Variants in ZNF44 observed in about 807,000 individuals in gnomAD.
The protein encoded by ZNF44 is zinc finger protein 44.
A neutral mutation model predicts 11.7 loss-of-function variants in ZNF44; 9 were observed. That is an observed-to-expected ratio of 0.77 (90% CI 0.46 to 1.35). The LOEUF (loss-of-function observed/expected upper bound fraction) is 1.35, where lower values mean the gene tolerates loss of function less well. ZNF44 is among the 40% of genes most tolerant of loss of function. ZNF44 has a pLI of 0.00. For missense variants in ZNF44, 696 were observed against 743.1 expected, an observed-to-expected ratio of 0.94 and a Z score of 0.74; for synonymous variants, 224 against 242.7, an observed-to-expected ratio of 0.92 and a Z score of 0.72.
downstream of ZNF44, chr19:12,242,943 G>C (rs1314445099): frequency 1.3e-5 from 2 of 152,164 alleles, no homozygotes; most frequent in Non-Finnish European, 2.9e-5. Flanking sequence ...TGAATAACCA[G>C]ATCAGATATT....
chr19:12,272,773 A>G lies in ZNF44; in HGVS notation c.1482T>C (p.His494=), dbSNP rs748949494. 1.9e-6 allele frequency: 3 copies of G among 1,613,904 alleles called. No individual in the cohort carries two copies. Among genetic ancestry groups the G allele is most frequent in the Non-Finnish European group, 2.5e-6 (3 of 1,179,878 alleles). Residue 494 remains histidine, a synonymous_variant, in exon 4 of 4, where the codon CAT becomes CAC. Coordinates refer to ENST00000355684, the MANE Select transcript of ZNF44 (RefSeq NM_016264.4). ...AFSSFKYFCR[H]ERTHSEEKSY... ...ATTTTTCTTCACTGTGAGTCCTTTCATGGCGACAAAAGTATTTAAAAGAAC... is the reference window on the plus strand; with the variant it reads ...ATTTTTCTTCACTGTGAGTCCTTTCGTGGCGACAAAAGTATTTAAAAGAAC...
At chr19:12,226,241 C>CT (rs1032455225) in exon 4 of ZNF44, 1 of 152,072 alleles carries the variant, frequency 6.6e-6, no homozygotes, top group Non-Finnish European at 1.5e-5. Flanking sequence ...GAGATAAGAC[C>CT]TTTTTAAAGG....
At position 12,274,266 on chromosome 19, in the gene ZNF44, CTTTTTTTTTTT is replaced by C. The variant is rs869093549; in HGVS notation, c.192-214_192-204del. Among the ~76,000 whole-genome samples the C allele has an allele frequency of 1.2e-3, 104 of 90,226 alleles. 4 individuals are homozygous for C. Among genetic ancestry groups the C allele is most frequent in the Non-Finnish European group, 1.1e-3 (54 of 47,880 alleles). The allele number at this position is 90,226 out of a possible 152,430, so 59.2% of individuals were successfully genotyped here. A position where few individuals can be genotyped will look rare whatever the true frequency, so the allele number is the denominator to read the frequency against. ...GATATGCACATGGGGATTCTTAATT[CTTTTTTTTTTT>C]TTTTTTTTTTTTTGAGATGGAGTCT... is the stretch of plus-strand genomic sequence containing the variant. On this transcript the variant is annotated intron_variant, in intron 3 of 3. Coordinates refer to ENST00000355684, the MANE Select transcript of ZNF44 (RefSeq NM_016264.4).
In ZNF44 at chr19:12,272,324, C is replaced by T; in HGVS notation, c.*83G>A. The T allele has an allele frequency of 7.0e-7, 1 of 1,426,278 alleles. No homozygotes were observed. Among genetic ancestry groups the T allele is most frequent in the South Asian group, 1.7e-5 (1 of 60,584 alleles). The allele number at this position is 1,426,278 out of a possible 1,614,324, so 88.4% of individuals were successfully genotyped here. ...AGCCTGGAAACTTCTTAAGGCTTTA[C>T]CACGTTTACATTCACAGGATTTATT... On this transcript the variant is annotated 3_prime_UTR_variant, in exon 4 of 4. Transcript: ENST00000355684.
At chr19:12,288,647 C>T (rs1325996044) in intron 1 of ZNF44, among the ~76,000 whole-genome samples, 1 of 150,518 alleles carries the variant, frequency 6.6e-6, no homozygotes, top group Non-Finnish European at 1.5e-5. Context: ...GAGGCTGAGG[C>T]AGGAGAATAG....
At chr19:12,276,200 G>T in intron 1 of ZNF44, 118 bp from the exon 2 acceptor site, 1 of 1,450,442 alleles carries the variant, frequency 6.9e-7, no homozygotes, top group South Asian at 1.1e-5. Flanking sequence ...TCAATGACGT[G>T]GTAAATCCAC....
At chr19:12,260,184 G>A (rs1917444337) in intron 5 of ZNF44, 1 of 769,254 alleles carries the variant, frequency 1.3e-6, no homozygotes, top group Non-Finnish European at 2.4e-6. Flanking sequence ...TGATCAAGAG[G>A]ACTATGCCGA....
At chr19:12,269,246 C>T (rs1168817042), downstream of ZNF44, among the ~76,000 whole-genome samples, 5 of 152,204 alleles carry the variant, frequency 3.3e-5, no homozygotes, top group Non-Finnish European at 7.4e-5. Flanking sequence ...AAAAGAAGGC[C>T]GGGCACAGTG....
chr19:12,271,770 T>C (rs902092594), downstream of ZNF44: 3 of 152,240 alleles, frequency 2.0e-5, no homozygotes, highest in African/African-American at 7.2e-5. Flanking sequence ...AGATTTTTTT[T>C]CTTATGATTC....
chr19:12,280,167 C>T (rs191072122), intron 1 of ZNF44, among the ~76,000 whole-genome samples: 2 of 151,850 alleles, frequency 1.3e-5, no homozygotes, highest in African/African-American at 4.8e-5. Context: ...TGCAGTGAGC[C>T]GAGATCATGC....
downstream of ZNF44, among the ~76,000 whole-genome samples, chr19:12,270,006 A>G (rs1966900856): frequency 6.6e-6 from 1 of 152,232 alleles, no homozygotes; most frequent in South Asian, 2.1e-4. Flanking sequence ...CTCCATAAGC[A>G]GCAAATTGAC....
In ZNF44 at chr19:12,293,195, A is replaced by G. The variant is rs1441022097; in HGVS notation, c.3+1497T>C. 2.6e-6 allele frequency: 4 copies of G among 1,527,326 alleles called. No individual in the cohort carries two copies. The South Asian group carries it at 3.6e-5, about 14-fold the overall frequency. The allele number at this position is 1,527,326 out of a possible 1,614,324, so 94.6% of individuals were successfully genotyped here. A position where few individuals can be genotyped will look rare whatever the true frequency, so the allele number is the denominator to read the frequency against. On this transcript the variant is annotated intron_variant, in intron 1 of 3. Coordinates refer to ENST00000355684, the MANE Select transcript of ZNF44 (RefSeq NM_016264.4). ...CAGGGGTTAGCTTTTTACAGGAATG[A>G]TATACCAGAAGATTCCTCCCACCCC... is the stretch of plus-strand genomic sequence containing the variant.
intron 1 of ZNF44, among the ~76,000 whole-genome samples, chr19:12,289,538 C>T (rs2145767990): frequency 6.6e-6 from 1 of 152,056 alleles, no homozygotes; most frequent in Middle Eastern, 3.4e-3. Flanking sequence ...ATGTTGGTTG[C>T]TCTTCACCTT....
chr19:12,289,643 C>CT (rs34329118), intron 1 of ZNF44, among the ~76,000 whole-genome samples: 20,080 of 117,832 alleles, frequency 0.17, 2,033 homozygotes, highest in East Asian at 0.25. Context: ...TAAACTCATT[C>CT]TTTTTTTTTT....
At chr19:12,231,833 T>C (rs1568418795) in intron 2 of ZNF44, among the ~76,000 whole-genome samples, 1 of 152,206 alleles carries the variant, frequency 6.6e-6, no homozygotes. Flanking sequence ...AATAGAGCTA[T>C]CTGAAGGGGT....
At chr19:12,269,111 C>A (rs1399287875), downstream of ZNF44, among the ~76,000 whole-genome samples, 2 of 151,930 alleles carry the variant, frequency 1.3e-5, no homozygotes, top group African/African-American at 4.8e-5. Context: ...CTGGATACTC[C>A]AAAATCACTG....
chr19:12,227,125 C>T (rs1364662487), intron 3 of ZNF44, among the ~76,000 whole-genome samples: 1 of 152,224 alleles, frequency 6.6e-6, no homozygotes, highest in Admixed American at 6.5e-5. Flanking sequence ...CAGTTAATTC[C>T]TGTCCTGATT....
At chr19:12,248,399 T>C in exon 8 of ZNF44, 1 of 1,291,038 alleles carries the variant, frequency 7.7e-7, no homozygotes, top group Non-Finnish European at 1.0e-6. Flanking sequence ...TTTTATGTTT[T>C]TTAAAAGACT....
chr19:12,228,565 A>G (rs1269335795), intron 3 of ZNF44, among the ~76,000 whole-genome samples: 1 of 152,234 alleles, frequency 6.6e-6, no homozygotes, highest in Non-Finnish European at 1.5e-5. Flanking sequence ...TTCCATTTAT[A>G]AAATTTTTCA....
Sources: allele counts gnomAD v4.1 joint callset (sites outside exome capture counted in the v4.1 genomes callset), GRCh38; gene constraint gnomAD v4.1.1; transcripts MANE v1.5; gene names NCBI Gene and HGNC (gene_info 2026-07-23, HGNC 2026-07-21).